The following SPATA7 variants were observed in gnomAD, a reference collection of about 807,000 sequenced individuals.
SPATA7 encodes the protein spermatogenesis associated 7.
A neutral mutation model predicts 51.8 loss-of-function variants in SPATA7; 43 were observed. That is an observed-to-expected ratio of 0.83 (90% CI 0.65 to 1.07). The LOEUF is 1.07. SPATA7 is among the 50% of genes least tolerant of loss of function. The pLI is 0.00. For synonymous variants in SPATA7, 230 were observed against 252.8 expected (o/e 0.91, Z 0.86); for missense variants, 683 against 701.3 (o/e 0.97, Z 0.30).
chr14:88,441,206 A>G (rs985033671), downstream of SPATA7, among the ~76,000 whole-genome samples: 12 of 151,338 alleles, frequency 7.9e-5, no homozygotes, highest in East Asian at 9.7e-4. Flanking sequence ...GTGTGTGTGT[A>G]TATATATACA....
rs2076788179 is a variant in SPATA7, at chr14:88,426,237, A to C, written c.378A>C (p.Ser126=). 1.9e-6 allele frequency: 3 copies of C among 1,612,972 alleles called. No individual in the cohort carries two copies. The South Asian group carries it at 3.3e-5, about 18-fold the overall frequency. The change falls in exon 6 of 12, where the codon TCA becomes TCC. Residue 126 remains serine (S), a synonymous_variant. Transcript: ENST00000393545. The stretch of plus-strand genomic sequence containing the variant: ...GTCATATCGAATGTTCTTAGCCCTC[A>C]GGCGAACCGCAAATTGAGGATGACA... The part of the protein sequence containing the change: ...KSLFNTLQKP[S]GEPQIEDDML...
At chr14:88,452,207 C>A (rs2077255666) in intron 3 of SPATA7, among the ~76,000 whole-genome samples, 1 of 152,098 alleles carries the variant, frequency 6.6e-6, no homozygotes. Flanking sequence ...ATCTAGTCAC[C>A]CAGCAGGGCT....
chr14:88,444,631 G>A (rs1426421850), intron 3 of SPATA7, among the ~76,000 whole-genome samples: 4 of 152,268 alleles, frequency 2.6e-5, no homozygotes, highest in East Asian at 3.9e-4. Flanking sequence ...TAACGTTTAA[G>A]TCTTTAATCC....
chr14:88,425,272 T>A (rs2076757070), intron 5 of SPATA7, among the ~76,000 whole-genome samples: 1 of 152,280 alleles, frequency 6.6e-6, no homozygotes, highest in Non-Finnish European at 1.5e-5. Flanking sequence ...CCTCTTCTAT[T>A]CAATGTCAAG....
downstream of SPATA7, among the ~76,000 whole-genome samples, chr14:88,459,057 T>G (rs1396618569): frequency 6.6e-6 from 1 of 152,232 alleles, no homozygotes; most frequent in African/African-American, 2.4e-5. Context: ...AATCCTGAGT[T>G]CTACTTTGAT....
intron 3 of SPATA7, among the ~76,000 whole-genome samples, chr14:88,453,592 G>A (rs981952598): frequency 1.3e-5 from 2 of 152,182 alleles, no homozygotes; most frequent in African/African-American, 4.8e-5. Flanking sequence ...TGGTTTTAAA[G>A]AGCTCGGACT....
At chr14:88,436,116 G>C (rs2077080850) in intron 10 of SPATA7, among the ~76,000 whole-genome samples, 1 of 152,158 alleles carries the variant, frequency 6.6e-6, no homozygotes, top group South Asian at 2.1e-4. Context: ...TAACTGGAGT[G>C]AGATGATACC....
Position 88,391,363 on chromosome 14 carries a change from T to G in SPATA7, c.20-18T>G. The G allele has an allele frequency of 3.7e-6, 6 of 1,603,930 alleles. No individual in the cohort carries two copies. Among genetic ancestry groups the G allele is most frequent in the Non-Finnish European group, 5.1e-6 (6 of 1,172,716 alleles). On this transcript the variant is annotated intron_variant, in intron 1 of 11. Transcript: ENST00000393545. Reference sequence around the variant, plus strand: ...GTTTCATTTATCCTAATTTATGATTTTTTTTTCTTGTTAAAAGTCAGAGCA... The same window carrying G: ...GTTTCATTTATCCTAATTTATGATTGTTTTTTCTTGTTAAAAGTCAGAGCA...
In SPATA7 at chr14:88,437,602, G is replaced by C; in HGVS notation, c.1215+5G>C. 1 of 1,603,158 alleles carries C rather than the reference G, an allele frequency of 6.2e-7. No individual in the cohort carries two copies. The highest frequency in any genetic ancestry group is 8.5e-7 in the Non-Finnish European group (1 of 1,171,782). On this transcript the variant is annotated splice_donor_5th_base_variant and intron_variant, in intron 11 of 11. Transcript: ENST00000393545. ...CAAAATAAACATTTGGAGGAGGTTT[G>C]TCTTTCCTTATAACTTCATTAGAAA...
chr14:88,443,443 C>T (rs1169931611), downstream of SPATA7, among the ~76,000 whole-genome samples: 1 of 151,732 alleles, frequency 6.6e-6, no homozygotes, highest in Admixed American at 6.6e-5. Context: ...TCTGTGGTAT[C>T]GGTTGTAATA....
At chr14:88,450,767 A>T (rs529920686) in intron 3 of SPATA7, among the ~76,000 whole-genome samples, 1 of 152,186 alleles carries the variant, frequency 6.6e-6, no homozygotes, top group African/African-American at 2.4e-5. Context: ...CCTGATGACT[A>T]TGTGCCTAGG....
intron 4 of SPATA7, among the ~76,000 whole-genome samples, chr14:88,460,455 C>T (rs1278457726): frequency 6.6e-6 from 1 of 152,128 alleles, no homozygotes; most frequent in African/African-American, 2.4e-5. Flanking sequence ...TCATTTCATT[C>T]ATTTGATCTT....
At chr14:88,424,400 T>G (rs2076733113) in intron 5 of SPATA7, among the ~76,000 whole-genome samples, 1 of 152,326 alleles carries the variant, frequency 6.6e-6, no homozygotes, top group Middle Eastern at 3.4e-3. Flanking sequence ...TCAGAAGCAA[T>G]TTTTCCATCC....
At chr14:88,396,897 G>T (rs1380372011) in intron 4 of SPATA7, among the ~76,000 whole-genome samples, 5 of 135,048 alleles carry the variant, frequency 3.7e-5, no homozygotes, top group African/African-American at 1.1e-4. Flanking sequence ...TTGAGACAGG[G>T]TCTCACTCTA....
At chr14:88,400,096 C>T (rs1301854027) in intron 4 of SPATA7, among the ~76,000 whole-genome samples, 1 of 152,140 alleles carries the variant, frequency 6.6e-6, no homozygotes. Flanking sequence ...TCAGACGTAA[C>T]ATATTTAAGA....
chr14:88,444,678 G>T (rs2077199494), intron 3 of SPATA7, among the ~76,000 whole-genome samples: 1 of 152,270 alleles, frequency 6.6e-6, no homozygotes, highest in South Asian at 2.1e-4. Context: ...GTAAGGAAGG[G>T]ATCCAGTTTC....
intron 4 of SPATA7, among the ~76,000 whole-genome samples, chr14:88,408,532 A>G (rs2076256722): frequency 6.6e-6 from 1 of 152,146 alleles, no homozygotes; most frequent in Non-Finnish European, 1.5e-5. Flanking sequence ...GTTTCTGAAT[A>G]TACAATCATG....
intron 3 of SPATA7, among the ~76,000 whole-genome samples, chr14:88,447,835 A>G (rs1329298873): frequency 2.0e-5 from 3 of 152,182 alleles, no homozygotes; most frequent in East Asian, 1.9e-4. Context: ...TGGCTTGTAG[A>G]GTTTCTGCCG....
At chr14:88,466,683 C>G (rs1000735972) in intron 4 of SPATA7, 1 of 152,194 alleles carries the variant, frequency 6.6e-6, no homozygotes, top group Non-Finnish European at 1.5e-5. Flanking sequence ...CACTCTCCCC[C>G]TGTAACTCAG....
Sources: allele counts gnomAD v4.1 joint callset (sites outside exome capture counted in the v4.1 genomes callset), GRCh38; gene constraint gnomAD v4.1.1; transcripts MANE v1.5; gene names NCBI Gene and HGNC (gene_info 2026-07-23, HGNC 2026-07-21).